The following CCDC25 variants were observed in gnomAD, a reference collection of about 807,000 sequenced individuals.
The protein encoded by CCDC25 is coiled-coil domain-containing protein 25.
CCDC25 carries 16 observed loss-of-function variants against 35.3 expected under a neutral mutation model. That is an observed-to-expected ratio of 0.45 (90% CI 0.31 to 0.69). The LOEUF (loss-of-function observed/expected upper bound fraction) is 0.69, where lower values mean the gene tolerates loss of function less well. Among genes scored for constraint, CCDC25 ranks in the 30% least tolerant of loss-of-function variants. The probability of loss-of-function intolerance (pLI) is 0.06; values close to 1 mark genes in which losing one functional copy is unlikely to be tolerated. For synonymous variants in CCDC25, 79 were observed against 80.3 expected (o/e 0.98, Z 0.09); for missense variants, 179 against 250.7 (o/e 0.71, Z 1.93).
At chr8:27,765,156 A>G (rs1054527136) in intron 2 of CCDC25, 48 bp downstream of exon 2, 11 of 1,471,394 alleles carry the variant, frequency 7.5e-6, no homozygotes, top group African/African-American at 1.4e-5. Flanking sequence ...GTGAGAGATA[A>G]CACTTACCTG....
At chr8:27,752,335 G>T (rs1302570867) in intron 5 of CCDC25, among the ~76,000 whole-genome samples, 177 bp downstream of exon 5, 1 of 152,148 alleles carries the variant, frequency 6.6e-6, no homozygotes, top group Non-Finnish European at 1.5e-5. Context: ...TCAGTTTTTA[G>T]TTCTTTGACA....
At chr8:27,750,497 T>C (rs1439224364) in intron 5 of CCDC25, among the ~76,000 whole-genome samples, 2 of 152,158 alleles carry the variant, frequency 1.3e-5, no homozygotes, top group Non-Finnish European at 2.9e-5. Context: ...ACACCTACTA[T>C]GTGGACCTTG....
chr8:27,770,748 AAAAAAACAAAAAC>A (rs1335046334), intron 1 of CCDC25, among the ~76,000 whole-genome samples: 1 of 152,100 alleles, frequency 6.6e-6, no homozygotes, highest in Non-Finnish European at 1.5e-5. Context: ...TCCAAAAAAA[AAAAAAACAAAAAC>A]AAAAACAAAA....
At chr8:27,736,962 G>A (rs538625367) in intron 8 of CCDC25, among the ~76,000 whole-genome samples, 2 of 152,320 alleles carry the variant, frequency 1.3e-5, no homozygotes, top group Admixed American at 1.3e-4. Flanking sequence ...GTCACAATCT[G>A]AACACTACAG....
intron 3 of CCDC25, among the ~76,000 whole-genome samples, chr8:27,759,443 C>T (rs1804135469): frequency 6.6e-6 from 1 of 150,668 alleles, no homozygotes; most frequent in Non-Finnish European, 1.5e-5. Context: ...CCCATCACCA[C>T]TAAAAATACA....
At chr8:27,747,745 T>C (rs2128938806) in intron 7 of CCDC25, 1 of 280,464 alleles carries the variant, frequency 3.6e-6, no homozygotes, top group Non-Finnish European at 6.7e-6. Flanking sequence ...AGCTAGTCAA[T>C]AGTAAATACC....
At chr8:27,738,280 C>G (rs777686178) in intron 8 of CCDC25, among the ~76,000 whole-genome samples, 2 of 152,064 alleles carry the variant, frequency 1.3e-5, no homozygotes, top group Non-Finnish European at 2.9e-5. Flanking sequence ...CAAAACAAAA[C>G]AAAACACAAA....
intron 3 of CCDC25, 134 bp from the exon 4 acceptor site, chr8:27,756,904 TAA>T: frequency 1.5e-6 from 1 of 659,312 alleles, no homozygotes; most frequent in Non-Finnish European, 2.7e-6. Flanking sequence ...ATGAGGAGTA[TAA>T]AGCACAGTCA....
At chr8:27,756,832 T>G in intron 3 of CCDC25, 62 bp from the exon 4 acceptor site, 2 of 1,156,596 alleles carry the variant, frequency 1.7e-6, no homozygotes, top group South Asian at 2.5e-5. Context: ...TCAGGCCACA[T>G]GCCATTTAAA....
At chr8:27,745,259 G>T (rs186643441) in intron 7 of CCDC25, among the ~76,000 whole-genome samples, 7 of 152,262 alleles carry the variant, frequency 4.6e-5, no homozygotes, top group Non-Finnish European at 1.0e-4. Flanking sequence ...GCCTCCCAAA[G>T]TGCTGGGATT....
intron 3 of CCDC25, among the ~76,000 whole-genome samples, chr8:27,757,856 T>C (rs538225806): frequency 6.6e-6 from 1 of 152,282 alleles, no homozygotes; most frequent in East Asian, 1.9e-4. Flanking sequence ...TCTTCATGAA[T>C]GGGTTAGCAC....
intron 8 of CCDC25, among the ~76,000 whole-genome samples, chr8:27,738,486 G>C (rs1487884654): frequency 6.6e-6 from 1 of 152,086 alleles, no homozygotes; most frequent in Non-Finnish European, 1.5e-5. Context: ...GAGAGTTAGG[G>C]TAGAAAGATT....
At chr8:27,740,372 A>C (rs905449575) in intron 8 of CCDC25, 100 bp downstream of exon 8, 9 of 1,194,666 alleles carry the variant, frequency 7.5e-6, no homozygotes, top group Middle Eastern at 4.2e-4. Flanking sequence ...ATGGTTAGCT[A>C]TTTGCAACAT....
rs1379648325 is a variant in CCDC25, at chr8:27,772,610, G to C, written c.-70C>G. 1 of 1,486,040 alleles carries C rather than the reference G, an allele frequency of 6.7e-7. No homozygotes were observed. The highest frequency in any genetic ancestry group is 1.2e-5 in the South Asian group (1 of 82,358). 92.1% of individuals were successfully genotyped at this position (1,486,040 alleles called of 1,614,324 possible). A position where few individuals can be genotyped will look rare whatever the true frequency, so the allele number is the denominator to read the frequency against. ...TCAACTCACGAAGCTCAGGATACCA[G>C]ACTCGCGGCGGCCGCCTGGCCCCCG... On this transcript the variant is annotated 5_prime_UTR_variant, in exon 1 of 9. Transcript: ENST00000356537.
chr8:27,771,829 T>TG (rs1804629601), intron 1 of CCDC25: 4 of 152,320 alleles, frequency 2.6e-5, no homozygotes, highest in African/African-American at 9.6e-5. Flanking sequence ...GGGAATTAGC[T>TG]GGGGGTTGAT....
intron 4 of CCDC25, among the ~76,000 whole-genome samples, chr8:27,753,447 G>A (rs1361714709): frequency 6.6e-6 from 1 of 152,068 alleles, no homozygotes; most frequent in African/African-American, 2.4e-5. Flanking sequence ...TTAGGGGCTC[G>A]TGCCTATAAT....
chr8:27,737,511 A>G lies in CCDC25; in HGVS notation c.598-1266T>C, dbSNP rs532014936. On this transcript the variant is annotated intron_variant, in intron 8 of 8. Transcript: ENST00000356537. This position sits in a 1 kb window ranked among gnomAD's most constrained non-coding sequence, Gnocchi z 4.6. Reference sequence around the variant, plus strand: ...TCTTCTTGATGAACCTGTATATGCTAAATTAAAACTTAAGTCCTATATTAC... The same window carrying G: ...TCTTCTTGATGAACCTGTATATGCTGAATTAAAACTTAAGTCCTATATTAC... Among the ~76,000 whole-genome samples the G allele has an allele frequency of 4.6e-5, 7 of 152,332 alleles. No homozygotes were observed. The South Asian group carries it at 1.5e-3, about 32-fold the overall frequency.
intron 1 of CCDC25, among the ~76,000 whole-genome samples, chr8:27,769,564 A>G (rs1804514867): frequency 6.6e-6 from 1 of 152,208 alleles, no homozygotes; most frequent in South Asian, 2.1e-4. Flanking sequence ...AAATGCTTAG[A>G]GGCCTATAAG....
chr8:27,764,849 T>C (rs546834831), intron 2 of CCDC25, among the ~76,000 whole-genome samples: 3 of 152,348 alleles, frequency 2.0e-5, no homozygotes, highest in East Asian at 3.9e-4. Flanking sequence ...ATTTTGTCTA[T>C]ACTTTTTAAA....
Sources: gnomAD v4.1 joint callset for allele counts (sites outside exome capture counted in the v4.1 genomes callset) on GRCh38, gnomAD v4.1.1 for gene constraint, Gnocchi (gnomAD v3.1) non-coding constraint, MANE v1.5 for transcripts, NCBI Gene and HGNC (gene_info 2026-07-23, HGNC 2026-07-21) for gene names.